MALT1: variants seen among roughly 807,000 people sequenced by gnomAD.
MALT1 encodes MALT1 paracaspase.
In MALT1, 36 loss-of-function variants were observed where a neutral mutation model predicts 85.5. The ratio of observed to expected loss-of-function variants is 0.42; its 90% CI spans 0.32 to 0.56. MALT1 has a LOEUF of 0.56. Ranked by LOEUF, MALT1 falls within the 20% of genes least tolerant of loss-of-function variation. The probability of loss-of-function intolerance (pLI) is 0.10; values close to 1 mark genes in which losing one functional copy is unlikely to be tolerated. For missense variants in MALT1, 716 were observed against 981.6 expected, an observed-to-expected ratio of 0.73 and a Z score of 3.62; for synonymous variants, 359 against 361.3, an observed-to-expected ratio of 0.99 and a Z score of 0.07.
At chr18:58,732,652 G>C (rs1363886986) in intron 10 of MALT1, among the ~76,000 whole-genome samples, 12 of 150,698 alleles carry the variant, frequency 8.0e-5, no homozygotes, top group African/African-American at 2.9e-4. Context: ...CTAAGCTCCT[G>C]CTCTCTATGC....
chr18:58,744,494 T>C lies in MALT1; in HGVS notation c.1910T>C (p.Leu637Pro), dbSNP rs1356023413. 2 of 1,593,674 alleles carry C rather than the reference T, an allele frequency of 1.3e-6. No individual in the cohort carries two copies. The highest frequency in any genetic ancestry group is 3.5e-5 in the Admixed American group (2 of 57,140). The change falls in exon 15 of 17, where the codon CTT becomes CCT. Residue 637 changes from leucine to proline, a missense_variant and splice_region_variant. Coordinates refer to ENST00000649217, the MANE Select transcript of MALT1 (RefSeq NM_006785.4). ...MCDAYVTDFP[L>P]DLDIDPKDAN... ...GATGCCTACGTTACTGATTTTCCACTTGTGAGTCTCTTCTTTTATTTAAAA... is the reference window on the plus strand; with the variant it reads ...GATGCCTACGTTACTGATTTTCCACCTGTGAGTCTCTTCTTTTATTTAAAA...
intron 10 of MALT1, among the ~76,000 whole-genome samples, chr18:58,730,511 CTATTA>C (rs557039364): frequency 5.7e-4 from 87 of 151,816 alleles, no homozygotes; most frequent in Non-Finnish European, 8.1e-4. Flanking sequence ...AGATAATATT[CTATTA>C]TATGATTATA....
At position 58,717,746 on chromosome 18, in the gene MALT1, C is replaced by CAA. The variant is rs35207196; in HGVS notation, c.1018+1799_1018+1800dup. Among the ~76,000 whole-genome samples, 431 of 100,490 alleles carry CAA rather than the reference C, an allele frequency of 4.3e-3. 1 individual carries two copies. The highest frequency in any genetic ancestry group is 0.019 in the Middle Eastern group (4 of 216). The allele number at this position is 100,490 out of a possible 152,430, so 65.9% of individuals were successfully genotyped here. On this transcript the variant is annotated intron_variant, in intron 9 of 16. Transcript: ENST00000649217. ...GGGCGACAGAGTAAGACTCTTGTCT[C>CAA]AAAAAAAAAAAAAAAAAAAAAGAAA... is the stretch of plus-strand genomic sequence containing the variant.
chr18:58,698,098 C>T (rs1174896726), intron 3 of MALT1, among the ~76,000 whole-genome samples: 3 of 138,830 alleles, frequency 2.2e-5, no homozygotes, highest in Non-Finnish European at 4.6e-5. Flanking sequence ...GATGGAGTCT[C>T]GCTCTGTCGC....
chr18:58,731,752 G>A (rs1051741184), intron 10 of MALT1, among the ~76,000 whole-genome samples: 16 of 151,430 alleles, frequency 1.1e-4, no homozygotes, highest in African/African-American at 3.9e-4. Context: ...GACTTTCATT[G>A]TTGCTTGATA....
intron 3 of MALT1, among the ~76,000 whole-genome samples, chr18:58,699,345 C>T (rs994620677): frequency 7.9e-5 from 12 of 152,228 alleles, no homozygotes; most frequent in East Asian, 3.9e-4. Context: ...ACACTTAGGA[C>T]GATATAGTAG....
chr18:58,739,808 TACACACACAC>T lies in MALT1; in HGVS notation c.1604-2044_1604-2035del, dbSNP rs36038136. ...CTCACTGTCCCTCTATGTACACACA[TACACACACAC>T]ACACACACACACGTGTACGTGTACA... On this transcript the variant is annotated intron_variant, in intron 13 of 16. Coordinates refer to ENST00000649217, the MANE Select transcript of MALT1 (RefSeq NM_006785.4). 6.4e-4 allele frequency among the ~76,000 whole-genome samples: 97 copies of T among 150,992 alleles called. 1 individual carries two copies. The highest frequency in any genetic ancestry group is 2.0e-3 in the African/African-American group (81 of 41,210).
chr18:58,725,257 G>A (rs1368812963), intron 10 of MALT1, among the ~76,000 whole-genome samples: 8 of 152,170 alleles, frequency 5.3e-5, no homozygotes, highest in Non-Finnish European at 1.2e-4. Context: ...AGGAGGCAGA[G>A]GTTGCAGTGA....
Position 58,739,457 on chromosome 18 carries a change from AG to A in MALT1, c.1604-2406del. ...GGTTGATTTTATGTCAACTTTTGCC[AG>A]GCCTCAGTGCCAAGATATTTAGTCC... On this transcript the variant is annotated intron_variant, in intron 13 of 16. Coordinates refer to ENST00000649217, the MANE Select transcript of MALT1 (RefSeq NM_006785.4). 4.6e-5 allele frequency among the ~76,000 whole-genome samples: 7 copies of A among 152,334 alleles called. 1 individual carries two copies. The South Asian group carries it at 1.5e-3, about 32-fold the overall frequency.
intron 10 of MALT1, among the ~76,000 whole-genome samples, chr18:58,729,869 TCAGGAAAAGC>T (rs991091884): frequency 6.6e-6 from 1 of 152,188 alleles, no homozygotes; most frequent in Non-Finnish European, 1.5e-5. Flanking sequence ...CTATAGAATG[TCAGGAAAAGC>T]CAGTATGTGA....
In MALT1 at chr18:58,748,559, G is replaced by T. The variant is rs2055404858; in HGVS notation, c.*717G>T. On this transcript the variant is annotated 3_prime_UTR_variant, in exon 17 of 17. Transcript: ENST00000649217. ...AAGATTATGAAACCACATGAGAAGT[G>T]ATAAAATGTTTGTTAAAGCTAGATA... The T allele has an allele frequency of 5.3e-6, 1 of 187,862 alleles. No homozygotes were observed. The highest frequency in any genetic ancestry group is 1.1e-5 in the Non-Finnish European group (1 of 88,856). 11.6% of individuals were successfully genotyped at this position (187,862 alleles called of 1,614,324 possible).
At chr18:58,697,204 G>A (rs1036212468) in intron 3 of MALT1, 1 of 152,030 alleles carries the variant, frequency 6.6e-6, no homozygotes, top group Non-Finnish European at 1.5e-5. Flanking sequence ...TTTTCACTCT[G>A]TTAGTCCCAG....
At position 58,749,189 on chromosome 18, in the gene MALT1, C is replaced by T. The variant is rs2144498181; in HGVS notation, c.*1347C>T. ...TCTACAGAATATTCTCCCATAAACA[C>T]TGAATTAAATATGGAACAACTGCTT... On this transcript the variant is annotated 3_prime_UTR_variant, in exon 17 of 17. Coordinates refer to ENST00000649217, the MANE Select transcript of MALT1 (RefSeq NM_006785.4). The T allele has an allele frequency of 4.6e-6, 1 of 217,424 alleles. No homozygotes were observed. Among genetic ancestry groups the T allele is most frequent in the East Asian group, 6.9e-5 (1 of 14,474 alleles). The allele number at this position is 217,424 out of a possible 1,614,324, so 13.5% of individuals were successfully genotyped here.
At chr18:58,732,335 A>AT (rs1424006801) in intron 10 of MALT1, among the ~76,000 whole-genome samples, 1 of 151,814 alleles carries the variant, frequency 6.6e-6, no homozygotes, top group African/African-American at 2.4e-5. Flanking sequence ...TCAAGAAAAC[A>AT]TTGAGTTGTT....
In MALT1 at chr18:58,748,764, A is replaced by G. The variant is rs1480019754; in HGVS notation, c.*922A>G. 1 of 196,556 alleles carries G rather than the reference A, an allele frequency of 5.1e-6. No homozygotes were observed. Among genetic ancestry groups the G allele is most frequent in the Non-Finnish European group, 1.1e-5 (1 of 94,848 alleles). The allele number at this position is 196,556 out of a possible 1,614,324, so 12.2% of individuals were successfully genotyped here. On this transcript the variant is annotated 3_prime_UTR_variant, in exon 17 of 17. Transcript: ENST00000649217. Reference sequence around the variant, plus strand: ...GTTAAAAATGCAATTGGCATTAACAAGGAAAAATACTGAATTAGTAATTTT... The same window carrying G: ...GTTAAAAATGCAATTGGCATTAACAGGGAAAAATACTGAATTAGTAATTTT...
intron 13 of MALT1, 199 bp from the exon 14 acceptor site, chr18:58,741,666 T>G (rs1168559786): frequency 2.6e-6 from 1 of 383,988 alleles, no homozygotes; most frequent in Non-Finnish European, 4.6e-6. Flanking sequence ...ATATACTATT[T>G]ATGAACACTT....
intron 2 of MALT1, among the ~76,000 whole-genome samples, chr18:58,692,445 C>CTCTCT (rs1568129469): frequency 0.031 from 893 of 28,352 alleles, 24 homozygotes; most frequent in African/African-American, 0.067. Flanking sequence ...TCACTCTCTC[C>CTCTCT]CTCCCTCCCT....
intron 2 of MALT1, among the ~76,000 whole-genome samples, chr18:58,695,931 T>C (rs920145512): frequency 3.3e-5 from 5 of 152,218 alleles, no homozygotes; most frequent in Non-Finnish European, 5.9e-5. Context: ...ACAGTGCACG[T>C]AACTTGACTG....
At chr18:58,727,812 G>C (rs2055086063) in intron 10 of MALT1, among the ~76,000 whole-genome samples, 1 of 152,014 alleles carries the variant, frequency 6.6e-6, no homozygotes, top group Admixed American at 6.6e-5. Context: ...CTGTATTTTG[G>C]TTCTGTCACT....
Sources: allele counts gnomAD v4.1 joint callset (sites outside exome capture counted in the v4.1 genomes callset), GRCh38; gene constraint gnomAD v4.1.1; transcripts MANE v1.5; gene names NCBI Gene and HGNC (gene_info 2026-07-23, HGNC 2026-07-21).